Variants in LYSMD1 observed in about 807,000 individuals in gnomAD.
LYSMD1 encodes the protein LysM domain containing 1.
Under a neutral mutation model 19.3 loss-of-function variants are expected in LYSMD1, and 9 were observed. The observed-to-expected ratio is 0.47, with a 90% CI of 0.28 to 0.81. The LOEUF (loss-of-function observed/expected upper bound fraction) is 0.81, where lower values mean the gene tolerates loss of function less well. Among genes scored for constraint, LYSMD1 ranks in the 40% least tolerant of loss-of-function variants. The pLI, the probability that LYSMD1 is intolerant of heterozygous loss-of-function variation, is 0.11. For missense variants in LYSMD1, 262 were observed against 279.8 expected (o/e 0.94, Z 0.45); for synonymous variants, 111 against 111.7 (o/e 0.99, Z 0.04).
At chr1:151,163,162 C>T (rs1034222278) in intron 1 of LYSMD1, among the ~76,000 whole-genome samples, 8 of 152,198 alleles carry the variant, frequency 5.3e-5, no homozygotes, top group African/African-American at 1.9e-4. Context: ...CTCCCACCCC[C>T]CTACTATCCC....
At chr1:151,151,400 C>A in the LYSMD1 span, among the ~76,000 whole-genome samples, 1 of 150,288 alleles carries the variant, frequency 6.7e-6, no homozygotes, top group South Asian at 2.1e-4. Flanking sequence ...AGGGTTTCAC[C>A]GTGTTAGCCA....
Position 151,160,815 on chromosome 1 carries a change from C to G in LYSMD1, c.*67G>C, listed in dbSNP as rs587752526. On this transcript the variant is annotated 3_prime_UTR_variant, in exon 3 of 3. Coordinates refer to ENST00000368908, the MANE Select transcript of LYSMD1 (RefSeq NM_212551.5). ...CATAAGCCATGTTCTTGAGCCTCAC[C>G]TCAGGCTCCTCTCCCCCTGAAGTTT... The G allele has an allele frequency of 2.6e-6, 4 of 1,555,036 alleles. No individual in the cohort carries two copies. The highest frequency in any genetic ancestry group is 1.4e-5 in the African/African-American group (1 of 74,014).
rs1683638236 is a variant in LYSMD1 at position 151,165,315 on chromosome 1, G to A, written c.-57C>T. ...CTAGGGGAGGTACGACCGAGACTGC[G>A]ACTGACAGGCCTGAAGTCTGGGAAT... On this transcript the variant is annotated 5_prime_UTR_variant, in exon 1 of 3. Coordinates refer to ENST00000368908, the MANE Select transcript of LYSMD1 (RefSeq NM_212551.5). The A allele has an allele frequency of 1.0e-5, 16 of 1,577,264 alleles. No homozygotes were observed. Among genetic ancestry groups the A allele is most frequent in the Non-Finnish European group, 1.4e-5 (16 of 1,160,606 alleles).
chr1:151,165,624 C>A lies in LYSMD1; in HGVS notation c.-366G>T. 1 of 1,537,386 alleles carries A rather than the reference C, an allele frequency of 6.5e-7. No homozygotes were observed. Among genetic ancestry groups the A allele is most frequent in the Non-Finnish European group, 8.8e-7 (1 of 1,142,660 alleles). On this transcript the variant is annotated 5_prime_UTR_variant, in exon 1 of 3. Transcript: ENST00000368908. ...CAAGTAGCCTGGCCTCAGGGCGCTCCAACATCCCAGCTCTCCCCGGTCCCG... is the reference window on the plus strand; with the variant it reads ...CAAGTAGCCTGGCCTCAGGGCGCTCAAACATCCCAGCTCTCCCCGGTCCCG...
intron 1 of LYSMD1, among the ~76,000 whole-genome samples, chr1:151,163,974 AC>A (rs1683555372): frequency 6.9e-6 from 1 of 145,452 alleles, no homozygotes. Context: ...GCTCATCGCA[AC>A]CTCCCCCTCC....
downstream of LYSMD1, among the ~76,000 whole-genome samples, chr1:151,154,922 G>A (rs908667370): frequency 6.6e-6 from 1 of 152,004 alleles, no homozygotes. Flanking sequence ...GGGATTACAG[G>A]TGTGAGCCAC....
the LYSMD1 span, among the ~76,000 whole-genome samples, chr1:151,151,695 T>C: frequency 0.2 from 29,930 of 151,346 alleles, 6,045 homozygotes; most frequent in African/African-American, 0.52. Flanking sequence ...TTTGGGAGGC[T>C]AAGGTGGGCA....
chr1:151,152,693 C>T, the LYSMD1 span, among the ~76,000 whole-genome samples: 4 of 152,060 alleles, frequency 2.6e-5, no homozygotes, highest in Admixed American at 2.6e-4. Context: ...GTGTGAGACT[C>T]GATCTCATAA....
downstream of LYSMD1, chr1:151,158,832 G>A (rs1295851455): frequency 1.2e-6 from 2 of 1,614,068 alleles, no homozygotes; most frequent in Non-Finnish European, 1.7e-6. Flanking sequence ...TCTACCGTGT[G>A]TCCAAGGAGT....
chr1:151,149,787 G>T, the LYSMD1 span, among the ~76,000 whole-genome samples: 6 of 152,160 alleles, frequency 3.9e-5, no homozygotes, highest in Admixed American at 3.9e-4. Context: ...AGATTGGATT[G>T]GAAAAGCACT....
chr1:151,164,435 G>A (rs1683581836), intron 1 of LYSMD1, among the ~76,000 whole-genome samples: 1 of 152,172 alleles, frequency 6.6e-6, no homozygotes, highest in Non-Finnish European at 1.5e-5. Context: ...GGGATAGGGG[G>A]AGTAACCCCA....
chr1:151,159,526 T>C, downstream of LYSMD1: 1 of 388,770 alleles, frequency 2.6e-6, no homozygotes, highest in South Asian at 2.9e-5. Context: ...GATCTCTATT[T>C]CTCCCATAAG....
the LYSMD1 span, among the ~76,000 whole-genome samples, chr1:151,150,736 C>CTTTTTTTTTTT: frequency 3.2e-5 from 4 of 125,124 alleles, no homozygotes; most frequent in East Asian, 2.1e-4. Context: ...CTTTTCTTTT[C>CTTTTTTTTTTT]TTTTTTTTTT....
rs79383717 is a variant in LYSMD1, at chr1:151,162,103, T to A, written c.181-3A>T. The A allele has an allele frequency of 6.7e-7, 1 of 1,483,838 alleles. No individual in the cohort carries two copies. Among genetic ancestry groups the A allele is most frequent in the African/African-American group, 1.5e-5 (1 of 67,514 alleles). 91.9% of individuals were successfully genotyped at this position (1,483,838 alleles called of 1,614,324 possible). A position where few individuals can be genotyped will look rare whatever the true frequency, so the allele number is the denominator to read the frequency against. ...TTTGCACGTTTAATCTGTTCCATCT[T>A]AAAAAAAAAAGTCACCAAAATTAAG... On this transcript the variant is annotated splice_polypyrimidine_tract_variant and splice_region_variant and intron_variant, in intron 1 of 2. Transcript: ENST00000368908.
chr1:151,158,322 CAAAA>C (rs587732030), downstream of LYSMD1, among the ~76,000 whole-genome samples: 8 of 83,838 alleles, frequency 9.5e-5, no homozygotes, highest in South Asian at 3.9e-4. Flanking sequence ...GACTCCGTCT[CAAAA>C]AAAAAAAAAA....
downstream of LYSMD1, among the ~76,000 whole-genome samples, chr1:151,156,297 C>T (rs916900382): frequency 6.6e-6 from 1 of 152,032 alleles, no homozygotes; most frequent in African/African-American, 2.4e-5. Flanking sequence ...ATATTAAATA[C>T]TTGCCCCACA....
In LYSMD1 at chr1:151,160,831, C is replaced by G. The variant is rs760235600; in HGVS notation, c.*51G>C. The G allele has an allele frequency of 1.9e-6, 3 of 1,587,528 alleles. No homozygotes were observed. The highest frequency in any genetic ancestry group is 1.3e-5 in the African/African-American group (1 of 74,554). On this transcript the variant is annotated 3_prime_UTR_variant, in exon 3 of 3. Transcript: ENST00000368908. ...GAGCCTCACCTCAGGCTCCTCTCCC[C>G]CTGAAGTTTCTCTTTCAACATCTTG... is the stretch of plus-strand genomic sequence containing the variant.
chr1:151,150,252 A>G, the LYSMD1 span, among the ~76,000 whole-genome samples: 1 of 152,168 alleles, frequency 6.6e-6, no homozygotes, highest in Non-Finnish European at 1.5e-5. Context: ...CACCATTCCC[A>G]GTCTTAACCT....
chr1:151,161,929 G>A lies in LYSMD1; in HGVS notation c.352C>T (p.Pro118Ser). 2 of 1,614,058 alleles carry A rather than the reference G, an allele frequency of 1.2e-6. No homozygotes were observed. Among genetic ancestry groups the A allele is most frequent in the Non-Finnish European group, 8.5e-7 (1 of 1,180,014 alleles). Residue 118 changes from proline (P) to serine (S), a missense_variant, in exon 2 of 3, where the codon CCA becomes TCA. Transcript: ENST00000368908. ...KVHPSNSEVW[P>S]HSTERKKQET... ...TGTTTCTTCCTCTCAGTTGAGTGTGGCCAAACTTCACTGTTACTTGGGTGT... is the reference window on the plus strand; with the variant it reads ...TGTTTCTTCCTCTCAGTTGAGTGTGACCAAACTTCACTGTTACTTGGGTGT...
Sources: gnomAD v4.1 joint callset for allele counts (sites outside exome capture counted in the v4.1 genomes callset) on GRCh38, gnomAD v4.1.1 for gene constraint, MANE v1.5 for transcripts, NCBI Gene and HGNC (gene_info 2026-07-23, HGNC 2026-07-21) for gene names.